The following TSPEAR variants were observed in gnomAD, a reference collection of about 807,000 sequenced individuals.
The protein encoded by TSPEAR is thrombospondin-type laminin G domain and EAR repeat-containing protein.
TSPEAR carries 69 observed loss-of-function variants against 71.6 expected under a neutral mutation model. The observed-to-expected ratio is 0.96, with a 90% CI of 0.79 to 1.18. The LOEUF (loss-of-function observed/expected upper bound fraction) is 1.18. Ranked by LOEUF, TSPEAR falls within the 50% of genes most tolerant of loss-of-function variation. The pLI, the probability that TSPEAR is intolerant of heterozygous loss-of-function variation, is 0.00. For missense variants in TSPEAR, 971 were observed against 894.9 expected, an observed-to-expected ratio of 1.09 and a Z score of -1.09; for synonymous variants, 402 against 387.2, an observed-to-expected ratio of 1.04 and a Z score of -0.45.
At chr21:44,600,353 G>A (rs1555928276) in intron 1 of TSPEAR, among the ~76,000 whole-genome samples, 1 of 152,154 alleles carries the variant, frequency 6.6e-6, no homozygotes, top group African/African-American at 2.4e-5. Flanking sequence ...AAAGGTAGGT[G>A]AGGGTGCGTC....
chr21:44,556,955 C>T (rs782806895), intron 2 of TSPEAR, among the ~76,000 whole-genome samples: 5 of 152,210 alleles, frequency 3.3e-5, no homozygotes, highest in Non-Finnish European at 7.3e-5. Context: ...AAACCAACTT[C>T]ATGAAAACAC....
intron 9 of TSPEAR, among the ~76,000 whole-genome samples, chr21:44,511,436 G>A (rs2052375758): frequency 6.6e-6 from 1 of 152,218 alleles, no homozygotes; most frequent in South Asian, 2.1e-4. Context: ...GGATACACAT[G>A]CAGATACACA....
intron 1 of TSPEAR, among the ~76,000 whole-genome samples, chr21:44,660,211 G>A (rs1985414810): frequency 6.6e-6 from 1 of 152,208 alleles, no homozygotes; most frequent in Non-Finnish European, 1.5e-5. Flanking sequence ...AATATTTAAA[G>A]AGGTAATAGT....
intron 1 of TSPEAR, chr21:44,646,332 G>A (rs1555939671): frequency 1.0e-5 from 14 of 1,372,306 alleles, no homozygotes; most frequent in Non-Finnish European, 1.3e-5. Flanking sequence ...GGAGCCTCCT[G>A]TTGGGACAAC....
intron 2 of TSPEAR, chr21:44,558,285 G>T: frequency 6.2e-7 from 1 of 1,614,148 alleles, no homozygotes; most frequent in Middle Eastern, 1.7e-4. Flanking sequence ...GCAGCAAGCC[G>T]GCTGGCGGCT....
intron 1 of TSPEAR, among the ~76,000 whole-genome samples, chr21:44,598,135 C>G (rs1980492264): frequency 6.6e-6 from 1 of 152,142 alleles, no homozygotes; most frequent in Non-Finnish European, 1.5e-5. Context: ...GCCGCAACAT[C>G]ACTAGCATTA....
intron 1 of TSPEAR, among the ~76,000 whole-genome samples, chr21:44,583,779 TGATAC>T (rs1979161474): frequency 1.7e-5 from 2 of 120,674 alleles, no homozygotes; most frequent in African/African-American, 5.5e-5. Context: ...CAGGATGTCT[TGATAC>T]ATGTACACAT....
At chr21:44,627,447 C>T (rs1158814259) in intron 1 of TSPEAR, 2 of 1,613,620 alleles carry the variant, frequency 1.2e-6, no homozygotes, top group Non-Finnish European at 1.7e-6. Flanking sequence ...ACTGCACCTC[C>T]TCCCCCTGCC....
In TSPEAR at chr21:44,523,006, T is replaced by A. The variant is rs76619509; in HGVS notation, c.1337-894A>T. On this transcript the variant is annotated intron_variant, in intron 8 of 11. Transcript: ENST00000323084. ...AGTCAGTCAGATAGTCAGTCATCAG[T>A]TAGTCACTGAAACAGTTAGTCAAGT... Among the ~76,000 whole-genome samples, 998 of 152,084 alleles carry A rather than the reference T, an allele frequency of 6.6e-3. 11 individuals carry two copies. The highest frequency in any genetic ancestry group is 0.023 in the African/African-American group (934 of 41,480).
At chr21:44,559,214 A>G (rs2053598192) in intron 2 of TSPEAR, among the ~76,000 whole-genome samples, 1 of 152,152 alleles carries the variant, frequency 6.6e-6, no homozygotes, top group Non-Finnish European at 1.5e-5. Flanking sequence ...TGCTGTGGAC[A>G]AGTTTGAAGA....
chr21:44,700,613 C>A (rs1820604060), intron 1 of TSPEAR, among the ~76,000 whole-genome samples: 1 of 152,198 alleles, frequency 6.6e-6, no homozygotes. Flanking sequence ...TGGGGCCGGG[C>A]AGTGGGAACT....
intron 10 of TSPEAR, chr21:44,508,767 C>T (rs1398679683): frequency 2.3e-6 from 3 of 1,285,786 alleles, no homozygotes; most frequent in Non-Finnish European, 3.1e-6. Context: ...GGGGAGGATG[C>T]AACATCGGGG....
intron 2 of TSPEAR, among the ~76,000 whole-genome samples, chr21:44,536,037 C>T (rs1462236152): frequency 2.0e-5 from 3 of 152,186 alleles, no homozygotes; most frequent in African/African-American, 7.2e-5. Context: ...GACAGAGGGA[C>T]TCTTCTGTGG....
At position 44,593,075 on chromosome 21, in the gene TSPEAR, C is replaced by T. The variant is rs1299859873; in HGVS notation, c.83-25070G>A. On this transcript the variant is annotated intron_variant, in intron 1 of 11. Transcript: ENST00000323084. The surrounding 1 kb of genome is among the most constrained non-coding windows in gnomAD (Gnocchi z 5.9). ...AGCCTCTTCACCTCCGGCCCTGTTT[C>T]GTGTCCACCTCGTCTTTGTGTTTTG... Among the ~76,000 whole-genome samples the T allele has an allele frequency of 6.6e-6, 1 of 152,194 alleles. No individual in the cohort carries two copies.
intron 9 of TSPEAR, among the ~76,000 whole-genome samples, chr21:44,515,023 T>A (rs1471925106): frequency 1.3e-5 from 2 of 152,080 alleles, no homozygotes; most frequent in Non-Finnish European, 2.9e-5. Context: ...AAACCCCACC[T>A]GCACCCCACA....
At chr21:44,678,000 T>C (rs1286171354) in intron 1 of TSPEAR, 2 of 971,548 alleles carry the variant, frequency 2.1e-6, no homozygotes, top group South Asian at 1.3e-5. Context: ...ATCGGCGGCA[T>C]GGTCACAGTG....
rs952611818 is a variant in TSPEAR at position 44,504,824 on chromosome 21, G to A, written c.1812C>T (p.Asn604=). 6.2e-7 allele frequency: 1 copy of A among 1,613,744 alleles called. No homozygotes were observed. The highest frequency in any genetic ancestry group is 1.3e-5 in the African/African-American group (1 of 74,804). Residue 604 remains asparagine (N), a synonymous_variant, in exon 11 of 12, where the codon AAC becomes AAT. Transcript: ENST00000323084. ...VGEDYFLVVA[N]SFDGRTFSVN... is the part of the protein sequence containing the mutation. ...CCGAGAAGGTACGCCCATCGAAGGA[G>A]TTGGCCACCACCAGGAAATAATCTT...
At chr21:44,700,432 G>T (rs1987594832) in intron 1 of TSPEAR, among the ~76,000 whole-genome samples, 1 of 152,176 alleles carries the variant, frequency 6.6e-6, no homozygotes, top group African/African-American at 2.4e-5. Flanking sequence ...CGGGAGAGAG[G>T]AGGCCAGTCC....
In TSPEAR at chr21:44,498,479, G is replaced by T. The variant is rs1310278598; in HGVS notation, c.*1304C>A. 6.6e-6 allele frequency: 1 copy of T among 152,206 alleles called. No individual in the cohort carries two copies. The highest frequency in any genetic ancestry group is 2.4e-5 in the African/African-American group (1 of 41,450). The allele number at this position is 152,206 out of a possible 1,614,324, so 9.4% of individuals were successfully genotyped here. On this transcript the variant is annotated 3_prime_UTR_variant, in exon 12 of 12. Coordinates refer to ENST00000323084, the MANE Select transcript of TSPEAR (RefSeq NM_144991.3). The stretch of plus-strand genomic sequence containing the variant: ...CTCTCCACTGGCCACAGCGATGGCT[G>T]GAGTGAGACCTGAGCCCCGGAAAAA...
Sources: gnomAD v4.1 joint callset for allele counts (sites outside exome capture counted in the v4.1 genomes callset) on GRCh38, gnomAD v4.1.1 for gene constraint, Gnocchi (gnomAD v3.1) non-coding constraint, MANE v1.5 for transcripts, NCBI Gene and HGNC (gene_info 2026-07-23, HGNC 2026-07-21) for gene names.